NGEF: variants seen among roughly 807,000 people sequenced by gnomAD.
The protein encoded by NGEF is neuronal guanine nucleotide exchange factor.
Under a neutral mutation model 80.9 loss-of-function variants are expected in NGEF, and 31 were observed. That is an observed-to-expected ratio of 0.38 (90% CI 0.29 to 0.52). NGEF has a LOEUF of 0.52. NGEF is among the 20% of genes least tolerant of loss of function. NGEF has a pLI of 0.84. For synonymous variants in NGEF, 371 were observed against 370.2 expected (o/e 1.00, Z -0.03); for missense variants, 709 against 926.2 (o/e 0.77, Z 3.04).
rs765550134 is a variant in NGEF, at chr2:233,013,249, T to C, written c.-256A>G. On this transcript the variant is annotated 5_prime_UTR_variant, in exon 1 of 15. Coordinates refer to ENST00000264051, the MANE Select transcript of NGEF (RefSeq NM_019850.3). ...TCCTGTCCTGGAAAAGCTTCACTGG[T>C]AAGCATTCCCGACCTTTAGACCTGC... 8.5e-6 allele frequency: 4 copies of C among 471,198 alleles called. No homozygotes were observed. Among genetic ancestry groups the C allele is most frequent in the South Asian group, 3.1e-5 (2 of 64,572 alleles). The allele number at this position is 471,198 out of a possible 1,614,324, so 29.2% of individuals were successfully genotyped here.
intron 3 of NGEF, among the ~76,000 whole-genome samples, chr2:232,933,731 G>A (rs1559214388): frequency 6.6e-6 from 1 of 152,208 alleles, no homozygotes; most frequent in African/African-American, 2.4e-5. Flanking sequence ...TTTTTCAAGT[G>A]CTGTTCCCTC....
At chr2:232,930,468 C>T (rs550152118) in intron 3 of NGEF, among the ~76,000 whole-genome samples, 7 of 152,208 alleles carry the variant, frequency 4.6e-5, no homozygotes, top group East Asian at 1.9e-4. Flanking sequence ...TACAGGCACC[C>T]GCCACCACGC....
chr2:232,925,378 T>C (rs1693039061), intron 4 of NGEF, among the ~76,000 whole-genome samples: 1 of 152,200 alleles, frequency 6.6e-6, no homozygotes. Context: ...GTTGAGCTAC[T>C]ATGGGTCAGG....
chr2:232,953,375 GAA>G (rs1236133187), intron 3 of NGEF, among the ~76,000 whole-genome samples: 3 of 91,936 alleles, frequency 3.3e-5, no homozygotes, highest in Admixed American at 1.3e-4. Flanking sequence ...GAGAGAGAGA[GAA>G]AAGTGACCAG....
At chr2:232,985,168 G>T (rs996475785) in intron 1 of NGEF, among the ~76,000 whole-genome samples, 1 of 152,192 alleles carries the variant, frequency 6.6e-6, no homozygotes, top group Non-Finnish European at 1.5e-5. Flanking sequence ...TGTATAGGGA[G>T]TTCTGGAATT....
intron 1 of NGEF, among the ~76,000 whole-genome samples, chr2:232,976,356 C>T (rs554670302): frequency 5.3e-5 from 8 of 152,216 alleles, no homozygotes; most frequent in Non-Finnish European, 8.8e-5. Flanking sequence ...CCCACCGCAC[C>T]ACTCCTCTTC....
chr2:232,906,153 G>A (rs1372948912), intron 5 of NGEF, among the ~76,000 whole-genome samples: 7 of 59,018 alleles, frequency 1.2e-4, no homozygotes, highest in African/African-American at 1.9e-4. Flanking sequence ...CACCCGCCCC[G>A]TCCGGGAGGG....
intron 4 of NGEF, 146 bp from the exon 5 acceptor site, chr2:232,920,731 A>C: frequency 1.7e-6 from 1 of 583,922 alleles, no homozygotes; most frequent in Non-Finnish European, 2.6e-6. Context: ...CACCCATCTC[A>C]GCGGCAGGCT....
chr2:232,958,562 T>C (rs1043640646), intron 3 of NGEF, among the ~76,000 whole-genome samples: 1 of 152,138 alleles, frequency 6.6e-6, no homozygotes, highest in Non-Finnish European at 1.5e-5. Context: ...CTTGGCATGG[T>C]CCTATGTTTG....
At chr2:232,968,017 G>A (rs1048977909) in intron 3 of NGEF, among the ~76,000 whole-genome samples, 1 of 151,576 alleles carries the variant, frequency 6.6e-6, no homozygotes, top group African/African-American at 2.4e-5. Flanking sequence ...AGAGATTGCT[G>A]TTGCCTTCCC....
rs1405878426 is a variant in NGEF, at chr2:232,995,525, T to C, written c.-75+17543A>G. Among the ~76,000 whole-genome samples the C allele has an allele frequency of 4.4e-3, 86 of 19,330 alleles. 31 individuals carry two copies. The highest frequency in any genetic ancestry group is 3.4e-3 in the Admixed American group (5 of 1,452). The allele number at this position is 19,330 out of a possible 152,430, so 12.7% of individuals were successfully genotyped here. The stretch of plus-strand genomic sequence containing the variant: ...GTATACATACTGTATATATATACAG[T>C]ATGTATACATATACAGTATGTATAC... On this transcript the variant is annotated intron_variant, in intron 1 of 14. Transcript: ENST00000264051.
chr2:232,987,105 C>T (rs1694548025), intron 1 of NGEF, among the ~76,000 whole-genome samples: 1 of 152,062 alleles, frequency 6.6e-6, no homozygotes, highest in Non-Finnish European at 1.5e-5. Context: ...CAATGTCTGC[C>T]TACCAGGTTC....
chr2:233,004,061 C>T (rs942280136), intron 1 of NGEF, among the ~76,000 whole-genome samples: 14 of 152,208 alleles, frequency 9.2e-5, no homozygotes, highest in Admixed American at 6.5e-5. Context: ...AAGCCGACTT[C>T]ATTTCTGCAG....
chr2:233,002,598 G>T (rs1282947402), intron 1 of NGEF, among the ~76,000 whole-genome samples: 4 of 152,146 alleles, frequency 2.6e-5, no homozygotes, highest in Non-Finnish European at 5.9e-5. Context: ...AATTCCTGGA[G>T]CCCAGGAGGT....
At chr2:233,004,306 C>T (rs955333080) in intron 1 of NGEF, among the ~76,000 whole-genome samples, 2 of 152,136 alleles carry the variant, frequency 1.3e-5, no homozygotes, top group African/African-American at 4.8e-5. Flanking sequence ...CCAATGACCC[C>T]TCCCATGCTC....
intron 1 of NGEF, among the ~76,000 whole-genome samples, chr2:232,983,045 C>T (rs1434630950): frequency 6.6e-6 from 1 of 152,236 alleles, no homozygotes; most frequent in Non-Finnish European, 1.5e-5. Context: ...CAATCAATCA[C>T]ACAGGGAGAC....
chr2:232,881,891 C>T (rs906369121), intron 13 of NGEF, among the ~76,000 whole-genome samples: 1 of 152,168 alleles, frequency 6.6e-6, no homozygotes, highest in Non-Finnish European at 1.5e-5. Flanking sequence ...TCTAGTTAAG[C>T]TTTTCGGACA....
Position 232,881,065 on chromosome 2 carries a change from G to C in NGEF, c.1942+81C>G, listed in dbSNP as rs115521984. On this transcript the variant is annotated intron_variant, in intron 14 of 14. Coordinates refer to ENST00000264051, the MANE Select transcript of NGEF (RefSeq NM_019850.3). ...GACACCAGCCTGTCAGACAGTGGTG[G>C]CATCTGCTTCTCCCCCTCCCCGTCA... The C allele has an allele frequency of 1.2e-3, 1,284 of 1,061,816 alleles. 8 individuals are homozygous for C. In the African/African-American group the frequency reaches 0.018, roughly 15 times the overall value. The allele number at this position is 1,061,816 out of a possible 1,614,324, so 65.8% of individuals were successfully genotyped here.
At chr2:233,004,141 C>T (rs1446903761) in intron 1 of NGEF, among the ~76,000 whole-genome samples, 1 of 152,192 alleles carries the variant, frequency 6.6e-6, no homozygotes, top group African/African-American at 2.4e-5. Flanking sequence ...CCCACCTCAC[C>T]TGCCCCTCTG....
Sources: allele counts gnomAD v4.1 joint callset (sites outside exome capture counted in the v4.1 genomes callset), GRCh38; gene constraint gnomAD v4.1.1; transcripts MANE v1.5; gene names NCBI Gene and HGNC (gene_info 2026-07-23, HGNC 2026-07-21).